AP3B1: variants seen among roughly 807,000 people sequenced by gnomAD.
AP3B1 encodes the protein adaptor related protein complex 3 subunit beta 1.
Under a neutral mutation model 132.5 loss-of-function variants are expected in AP3B1, and 61 were observed. The ratio of observed to expected loss-of-function variants is 0.46; its 90% CI spans 0.37 to 0.57. The LOEUF (loss-of-function observed/expected upper bound fraction) is 0.57. AP3B1 is among the 20% of genes least tolerant of loss of function. The pLI, the probability that AP3B1 is intolerant of heterozygous loss-of-function variation, is 0.00. For synonymous variants in AP3B1, 388 were observed against 438.3 expected (o/e 0.89, Z 1.43); for missense variants, 1,120 against 1,289.4 (o/e 0.87, Z 2.01).
At position 78,192,193 on chromosome 5, in the gene AP3B1, T is replaced by G. The variant is rs1490564576; in HGVS notation, c.787-10531A>C. On this transcript the variant is annotated intron_variant, in intron 7 of 26. Transcript: ENST00000255194. Reference sequence around the variant, plus strand: ...ATATTTCTACTTCAACAAAATGTCTTTAAAATAAGCATACAAGAAAAAAAG... The same window carrying G: ...ATATTTCTACTTCAACAAAATGTCTGTAAAATAAGCATACAAGAAAAAAAG... Among the ~76,000 whole-genome samples the G allele has an allele frequency of 2.0e-5, 3 of 151,392 alleles. No homozygotes were observed. The East Asian group carries it at 5.8e-4, about 29-fold the overall frequency.
chr5:78,279,867 A>AAT lies in AP3B1; in HGVS notation c.129-12274_129-12273dup, dbSNP rs72032561. ...AGGACTTAAATATATATAGGACTTA[A>AAT]ATATATATATATATGACTTAAATAT... On this transcript the variant is annotated intron_variant, in intron 1 of 26. Coordinates refer to ENST00000255194, the MANE Select transcript of AP3B1 (RefSeq NM_003664.5). Among the ~76,000 whole-genome samples the AAT allele has an allele frequency of 9.0e-3, 926 of 102,820 alleles. 9 individuals carry two copies. The highest frequency in any genetic ancestry group is 0.024 in the African/African-American group (815 of 34,296). The allele number at this position is 102,820 out of a possible 152,430, so 67.5% of individuals were successfully genotyped here. A position where few individuals can be genotyped will look rare whatever the true frequency, so the allele number is the denominator to read the frequency against.
Position 78,240,917 on chromosome 5 carries a change from T to C in AP3B1, c.224A>G (p.Asn75Ser), listed in dbSNP as rs747100020. The change falls in exon 3 of 27, where the codon AAT (asparagine) becomes AGT (serine). Residue 75 changes from asparagine (N) to serine (S), a missense_variant. Around this residue, in one of 3 missense-constraint regions of AP3B1, gnomAD observed 129 missense variants for 212.4 expected, o/e 0.61. Transcript: ENST00000255194. ...RIVGMIAKGK[N>S]ASELFPAVVK... ...AACAGCAGGAAACAGTTCAGATGCA[T>C]TTTTCCCTTTTGCAATCATCTGAAG... 6.2e-7 allele frequency: 1 copy of C among 1,611,422 alleles called. No homozygotes were observed. Among genetic ancestry groups the C allele is most frequent in the South Asian group, 1.1e-5 (1 of 90,946 alleles).
chr5:78,018,671 AAC>A (rs3050070), intron 25 of AP3B1, among the ~76,000 whole-genome samples: 7,708 of 146,022 alleles, frequency 0.053, 231 homozygotes, highest in Non-Finnish European at 0.072. Context: ...AAGCTGGTGT[AAC>A]ACACACACAC....
At chr5:78,254,957 T>G (rs549247670) in intron 2 of AP3B1, among the ~76,000 whole-genome samples, 6 of 152,202 alleles carry the variant, frequency 3.9e-5, no homozygotes, top group African/African-American at 1.4e-4. Context: ...GAGACGAAGT[T>G]AAAGCACGGA....
At chr5:78,206,068 G>T (rs1430435955) in intron 7 of AP3B1, among the ~76,000 whole-genome samples, 10 of 151,698 alleles carry the variant, frequency 6.6e-5, no homozygotes, top group African/African-American at 2.4e-4. Flanking sequence ...TTTTTAATGT[G>T]AACATTTCCA....
chr5:78,175,475 A>T (rs1744109570), intron 11 of AP3B1, 151 bp downstream of exon 11: 2 of 654,572 alleles, frequency 3.1e-6, no homozygotes, highest in Non-Finnish European at 5.4e-6. Flanking sequence ...TTAGTATATA[A>T]TAATATAGAT....
At chr5:78,068,928 C>T (rs1251156498) in intron 22 of AP3B1, among the ~76,000 whole-genome samples, 2 of 152,180 alleles carry the variant, frequency 1.3e-5, no homozygotes, top group East Asian at 3.8e-4. Context: ...CAGCTTCATC[C>T]CCAGCATGCA....
At chr5:78,166,073 T>G (rs1743607025) in intron 11 of AP3B1, among the ~76,000 whole-genome samples, 1 of 148,626 alleles carries the variant, frequency 6.7e-6, no homozygotes, top group South Asian at 2.1e-4. Flanking sequence ...TGAGCCGAGA[T>G]CGCGCCATTG....
intron 7 of AP3B1, among the ~76,000 whole-genome samples, chr5:78,199,990 A>C: frequency 6.6e-6 from 1 of 152,302 alleles, no homozygotes; most frequent in East Asian, 1.9e-4. Flanking sequence ...CATATAAACA[A>C]GTTATTTTTT....
At chr5:78,261,559 G>A (rs570400665) in intron 2 of AP3B1, among the ~76,000 whole-genome samples, 4 of 152,278 alleles carry the variant, frequency 2.6e-5, no homozygotes, top group South Asian at 2.1e-4. Flanking sequence ...TCTGCCTTTC[G>A]GGTTCAAGCA....
At chr5:78,193,424 T>C (rs1371758393) in intron 7 of AP3B1, among the ~76,000 whole-genome samples, 1 of 151,870 alleles carries the variant, frequency 6.6e-6, no homozygotes, top group African/African-American at 2.4e-5. Flanking sequence ...TTAAGGAAAA[T>C]GTTTAGTCTG....
chr5:78,056,610 T>C (rs1238129186), intron 22 of AP3B1, among the ~76,000 whole-genome samples: 1 of 152,224 alleles, frequency 6.6e-6, no homozygotes, highest in African/African-American at 2.4e-5. Flanking sequence ...CCCCCGCATC[T>C]GTTTTTCCCT....
chr5:78,025,255 C>T (rs1451970589), intron 24 of AP3B1, among the ~76,000 whole-genome samples: 1 of 152,160 alleles, frequency 6.6e-6, no homozygotes, highest in Admixed American at 6.6e-5. Flanking sequence ...AAGGACACCA[C>T]ATACTCCTCG....
intron 17 of AP3B1, among the ~76,000 whole-genome samples, chr5:78,121,441 CTG>C: frequency 6.6e-6 from 1 of 152,074 alleles, no homozygotes; most frequent in African/African-American, 2.4e-5. Context: ...AATTGATAGA[CTG>C]CTAGCAAGAC....
intron 15 of AP3B1, among the ~76,000 whole-genome samples, chr5:78,139,222 TG>T (rs1411534481): frequency 1.3e-5 from 2 of 152,212 alleles, no homozygotes; most frequent in Non-Finnish European, 2.9e-5. Context: ...CATTTGATTT[TG>T]GTATTACTTT....
intron 1 of AP3B1, among the ~76,000 whole-genome samples, chr5:78,271,137 C>T (rs1005156157): frequency 3.9e-5 from 6 of 152,056 alleles, no homozygotes; most frequent in Middle Eastern, 6.8e-3. Context: ...TATTAACTTT[C>T]TAGGCAGGGC....
chr5:78,146,894 G>A (rs1029933748), intron 14 of AP3B1, among the ~76,000 whole-genome samples: 3 of 152,048 alleles, frequency 2.0e-5, no homozygotes, highest in African/African-American at 4.8e-5. Context: ...ATTGCTTAAG[G>A]TCAAAGAATG....
intron 26 of AP3B1, among the ~76,000 whole-genome samples, chr5:78,004,301 C>T (rs1001960152): frequency 1.6e-4 from 24 of 152,270 alleles, no homozygotes; most frequent in African/African-American, 5.8e-4. Context: ...TCATGTCTGA[C>T]AATTAGCATG....
intron 11 of AP3B1, among the ~76,000 whole-genome samples, chr5:78,171,049 T>C (rs943189270): frequency 1.3e-5 from 2 of 152,178 alleles, no homozygotes; most frequent in South Asian, 2.1e-4. Context: ...GTTGTAGATA[T>C]GTGGTGTTAT....
Sources: allele counts gnomAD v4.1 joint callset (sites outside exome capture counted in the v4.1 genomes callset), GRCh38; gene constraint gnomAD v4.1.1; regional missense constraint gnomAD v4.1.1; transcripts MANE v1.5; gene names NCBI Gene and HGNC (gene_info 2026-07-23, HGNC 2026-07-21).